The following SLC35F4 variants were observed in gnomAD, a reference collection of about 807,000 sequenced individuals.
The protein encoded by SLC35F4 is solute carrier family 35 member F4, also known as chromosome 14 open reading frame 36.
A neutral mutation model predicts 44.2 loss-of-function variants in SLC35F4; 24 were observed. The ratio of observed to expected loss-of-function variants is 0.54; its 90% CI spans 0.39 to 0.76. The LOEUF is 0.76. Ranked by LOEUF, SLC35F4 falls within the 30% of genes least tolerant of loss-of-function variation. The pLI is 0.00. For missense variants in SLC35F4, 562 were observed against 586.1 expected (o/e 0.96, Z 0.42); for synonymous variants, 238 against 223.6 (o/e 1.06, Z -0.57).
intron 1 of SLC35F4, among the ~76,000 whole-genome samples, chr14:57,598,008 T>G (rs1415277698): frequency 2.0e-5 from 3 of 152,128 alleles, no homozygotes; most frequent in African/African-American, 7.2e-5. Flanking sequence ...ATACTAGGAA[T>G]CCAAACTAAA....
intron 1 of SLC35F4, among the ~76,000 whole-genome samples, chr14:57,906,614 G>T (rs939968068): frequency 1.6e-4 from 25 of 152,172 alleles, no homozygotes; most frequent in East Asian, 1.9e-4. Flanking sequence ...GGATTAAAAA[G>T]TATGCATATT....
chr14:57,671,671 T>C (rs564142012), intron 1 of SLC35F4, among the ~76,000 whole-genome samples: 1 of 151,996 alleles, frequency 6.6e-6, no homozygotes, highest in African/African-American at 2.4e-5. Context: ...GTGGTGGCTA[T>C]GGGGTGAAAC....
chr14:57,889,563 C>T (rs575074939), intron 1 of SLC35F4, among the ~76,000 whole-genome samples: 1 of 152,328 alleles, frequency 6.6e-6, no homozygotes, highest in East Asian at 1.9e-4. Flanking sequence ...TCATAGGACA[C>T]CCTTAGGTTT....
intron 5 of SLC35F4, among the ~76,000 whole-genome samples, chr14:57,571,192 T>C (rs909797234): frequency 6.6e-6 from 1 of 152,198 alleles, no homozygotes; most frequent in Admixed American, 6.5e-5. Context: ...ACTTTAAAAG[T>C]AGAGCTTTGG....
intron 1 of SLC35F4, among the ~76,000 whole-genome samples, chr14:57,943,508 A>G (rs895932266): frequency 3.9e-5 from 6 of 152,158 alleles, no homozygotes; most frequent in Non-Finnish European, 8.8e-5. Flanking sequence ...TTTCTCTCAT[A>G]TAGTTAATAG....
intron 1 of SLC35F4, among the ~76,000 whole-genome samples, chr14:57,923,366 C>T (rs1024099051): frequency 1.3e-5 from 2 of 152,326 alleles, no homozygotes; most frequent in South Asian, 4.1e-4. Flanking sequence ...AGTGGATTTA[C>T]TTTGCTCACT....
intron 1 of SLC35F4, among the ~76,000 whole-genome samples, chr14:57,851,006 A>C (rs1216665916): frequency 6.6e-6 from 1 of 152,192 alleles, no homozygotes; most frequent in African/African-American, 2.4e-5. Context: ...CAAAAAAGCT[A>C]GTAGATCTCT....
At chr14:57,813,210 C>T (rs1401625043) in intron 1 of SLC35F4, among the ~76,000 whole-genome samples, 4 of 152,186 alleles carry the variant, frequency 2.6e-5, no homozygotes, top group African/African-American at 9.6e-5. Flanking sequence ...CCAACTCCAC[C>T]CCAACACCAC....
chr14:57,656,173 G>A (rs1028773488), intron 1 of SLC35F4, among the ~76,000 whole-genome samples: 1 of 151,724 alleles, frequency 6.6e-6, no homozygotes, highest in Non-Finnish European at 1.5e-5. Context: ...TTCCTATCTT[G>A]CGTATTAACC....
At chr14:57,785,212 A>C (rs765756478) in intron 1 of SLC35F4, among the ~76,000 whole-genome samples, 21 of 152,178 alleles carry the variant, frequency 1.4e-4, no homozygotes, top group Non-Finnish European at 2.8e-4. Context: ...CCTGAAGTTT[A>C]TACTACATGA....
intron 1 of SLC35F4, among the ~76,000 whole-genome samples, chr14:57,760,768 C>T (rs920954291): frequency 6.6e-6 from 1 of 152,050 alleles, no homozygotes; most frequent in African/African-American, 2.4e-5. Context: ...TTTTTCTGTC[C>T]TGCTGGTGTG....
chr14:57,729,611 G>A (rs1594902324), intron 1 of SLC35F4, among the ~76,000 whole-genome samples: 1 of 152,070 alleles, frequency 6.6e-6, no homozygotes, highest in Admixed American at 6.6e-5. Context: ...TATCCAAGGG[G>A]AAAGACAAAG....
chr14:57,581,399 T>C lies in SLC35F4; in HGVS notation c.622A>G (p.Thr208Ala). The change falls in exon 4 of 8, where the codon ACG becomes GCG. Residue 208 changes from threonine (T) to alanine (A), a missense_variant. Thr to Ala is a moderately conservative substitution (Grantham distance 58). Coordinates refer to ENST00000556826, the MANE Select transcript of SLC35F4 (RefSeq NM_001306087.2). The stretch of plus-strand genomic sequence containing the variant: ...GTTCTTTTAAGAAAGAGTTTCAGCG[T>C]CAGACCATCTTCACCAAAAATCCGA... ...CSRIFGEDGL[T>A]LKLFLKRTAP... 5.6e-6 allele frequency: 9 copies of C among 1,612,248 alleles called. No homozygotes were observed. Among genetic ancestry groups the C allele is most frequent in the Non-Finnish European group, 7.6e-6 (9 of 1,179,156 alleles).
intron 3 of SLC35F4, 99 bp downstream of exon 3, chr14:57,589,117 C>A (rs1050169332): frequency 7.6e-7 from 1 of 1,315,794 alleles, no homozygotes. Flanking sequence ...TCTTCACATA[C>A]CCCAAAAAAC....
chr14:57,742,857 A>T (rs761306220), intron 1 of SLC35F4, among the ~76,000 whole-genome samples: 7 of 152,226 alleles, frequency 4.6e-5, no homozygotes, highest in Admixed American at 1.3e-4. Context: ...AAAGAAGAGA[A>T]ATTATAACAA....
At chr14:57,805,110 C>G (rs1021307085) in intron 1 of SLC35F4, among the ~76,000 whole-genome samples, 1 of 151,750 alleles carries the variant, frequency 6.6e-6, no homozygotes, top group Non-Finnish European at 1.5e-5. Context: ...TTATTAAAGT[C>G]AAAAAAACAA....
chr14:57,569,733 C>A (rs1178784046), intron 6 of SLC35F4, 55 bp downstream of exon 6: 46 of 1,459,266 alleles, frequency 3.2e-5, no homozygotes, highest in Non-Finnish European at 3.8e-5. Context: ...GATAATCTAA[C>A]TAGCCAAAGA....
chr14:57,899,267 T>TATTTCCCGTTTTTCAC (rs1357236795), intron 1 of SLC35F4, among the ~76,000 whole-genome samples: 3 of 152,202 alleles, frequency 2.0e-5, no homozygotes, highest in African/African-American at 7.2e-5. Flanking sequence ...TTTCCTGCAT[T>TATTTCCCGTTTTTCAC]ATTTCCCGTT....
rs147995845 is a variant in SLC35F4 at position 57,783,155 on chromosome 14, AC to A, written c.103+82567del. On this transcript the variant is annotated intron_variant, in intron 1 of 7. Coordinates refer to ENST00000556826, the MANE Select transcript of SLC35F4 (RefSeq NM_001306087.2). ...TGCTATCCAAAAAGTATACCTGTAG[AC>A]TCTAATATGATGTGAGAAAAAGTGG... Among the ~76,000 whole-genome samples, 1,025 of 152,216 alleles carry A rather than the reference AC, an allele frequency of 6.7e-3. 11 individuals are homozygous for A. Among genetic ancestry groups the A allele is most frequent in the African/African-American group, 0.023 (961 of 41,528 alleles).
Sources: allele counts gnomAD v4.1 joint callset (sites outside exome capture counted in the v4.1 genomes callset), GRCh38; gene constraint gnomAD v4.1.1; transcripts MANE v1.5; gene names NCBI Gene and HGNC (gene_info 2026-07-23, HGNC 2026-07-21).